Variants in RABGAP1L observed in about 807,000 individuals in gnomAD.
RABGAP1L encodes the protein RAB GTPase activating protein 1 like, also known as rab GTPase-activating protein 1-like.
RABGAP1L carries 63 observed loss-of-function variants against 137.7 expected under a neutral mutation model. That is an observed-to-expected ratio of 0.46 (90% CI 0.37 to 0.56). The LOEUF is 0.56. RABGAP1L is among the 20% of genes least tolerant of loss of function. The pLI, the probability that RABGAP1L is intolerant of heterozygous loss-of-function variation, is 0.00. For synonymous variants in RABGAP1L, 431 were observed against 433.7 expected, an observed-to-expected ratio of 0.99 and a Z score of 0.08; for missense variants, 1,095 against 1,244.0, an observed-to-expected ratio of 0.88 and a Z score of 1.80.
intron 13 of RABGAP1L, among the ~76,000 whole-genome samples, chr1:174,621,370 A>T (rs1392080680): frequency 6.6e-6 from 1 of 152,194 alleles, no homozygotes; most frequent in Admixed American, 6.5e-5. Context: ...GTTCATATGG[A>T]ACCAAAAATG....
At chr1:174,552,631 G>A (rs1666626639) in intron 13 of RABGAP1L, among the ~76,000 whole-genome samples, 1 of 152,100 alleles carries the variant, frequency 6.6e-6, no homozygotes, top group Non-Finnish European at 1.5e-5. Flanking sequence ...ATCACTGATG[G>A]GCATTTAGGT....
intron 18 of RABGAP1L, among the ~76,000 whole-genome samples, chr1:174,801,996 A>ATT (rs1349515522): frequency 2.6e-5 from 4 of 152,220 alleles, no homozygotes. Context: ...TCTCTTTGGC[A>ATT]TTTACATTTT....
chr1:174,352,051 G>A (rs1294614306), intron 11 of RABGAP1L, among the ~76,000 whole-genome samples: 1 of 151,896 alleles, frequency 6.6e-6, no homozygotes, highest in Non-Finnish European at 1.5e-5. Context: ...CTCATGATCC[G>A]CCTGCCTCGG....
chr1:174,817,613 T>C (rs1690575682), intron 19 of RABGAP1L, among the ~76,000 whole-genome samples: 1 of 152,136 alleles, frequency 6.6e-6, no homozygotes, highest in Admixed American at 6.5e-5. Context: ...GGTAAGCAAT[T>C]TGGATTTTAT....
At chr1:174,529,542 T>A (rs1179016205) in intron 13 of RABGAP1L, among the ~76,000 whole-genome samples, 1 of 151,996 alleles carries the variant, frequency 6.6e-6, no homozygotes, top group Non-Finnish European at 1.5e-5. Flanking sequence ...AGTGGTAGGT[T>A]TGGTGTGCCT....
chr1:174,451,349 T>C (rs535413650), intron 13 of RABGAP1L, among the ~76,000 whole-genome samples: 37 of 152,366 alleles, frequency 2.4e-4, no homozygotes, highest in Non-Finnish European at 4.0e-4. Flanking sequence ...GGATTCTGTG[T>C]ACAGAAAGCC....
intron 15 of RABGAP1L, among the ~76,000 whole-genome samples, chr1:174,684,523 T>A (rs962224569): frequency 6.6e-6 from 1 of 152,228 alleles, no homozygotes; most frequent in African/African-American, 2.4e-5. Flanking sequence ...CTTTGTAATG[T>A]GTCAAAAATG....
chr1:174,817,657 A>C (rs922186926), intron 19 of RABGAP1L, among the ~76,000 whole-genome samples: 3 of 152,292 alleles, frequency 2.0e-5, no homozygotes, highest in Admixed American at 2.0e-4. Flanking sequence ...AAGGATTTAA[A>C]ATAGGAGACA....
intron 13 of RABGAP1L, among the ~76,000 whole-genome samples, chr1:174,405,617 A>G (rs1017856456): frequency 2.6e-5 from 4 of 152,236 alleles, no homozygotes; most frequent in African/African-American, 4.8e-5. Context: ...AGGAGAATAA[A>G]GAGTACTCAT....
chr1:174,746,097 C>T (rs1683839374), intron 17 of RABGAP1L, among the ~76,000 whole-genome samples: 1 of 152,198 alleles, frequency 6.6e-6, no homozygotes, highest in African/African-American at 2.4e-5. Context: ...TCAGCTCTCT[C>T]TGAACCCACG....
chr1:174,635,525 C>G (rs893490256), intron 13 of RABGAP1L, among the ~76,000 whole-genome samples: 71 of 152,184 alleles, frequency 4.7e-4, no homozygotes, highest in Admixed American at 9.2e-4. Flanking sequence ...TTATACTTAC[C>G]TTATTCTATA....
intron 24 of RABGAP1L, among the ~76,000 whole-genome samples, chr1:174,986,519 G>C (rs1214440606): frequency 6.6e-6 from 1 of 152,222 alleles, no homozygotes; most frequent in Non-Finnish European, 1.5e-5. Context: ...TATTGGGTGA[G>C]AATCAGCAGT....
At chr1:174,944,729 T>C (rs912803776) in intron 19 of RABGAP1L, among the ~76,000 whole-genome samples, 1 of 152,050 alleles carries the variant, frequency 6.6e-6, no homozygotes, top group Non-Finnish European at 1.5e-5. Flanking sequence ...CTACTTACTG[T>C]CTTTATAGAT....
chr1:174,292,121 TTGAACTCCTGGGC>T (rs1000977773), intron 10 of RABGAP1L, among the ~76,000 whole-genome samples: 3 of 150,018 alleles, frequency 2.0e-5, no homozygotes, highest in Non-Finnish European at 4.4e-5. Flanking sequence ...CACTGTAGTG[TTGAACTCCTGGGC>T]TCAAGCGAGT....
At chr1:174,541,748 C>A (rs1406516277) in intron 13 of RABGAP1L, among the ~76,000 whole-genome samples, 1 of 152,034 alleles carries the variant, frequency 6.6e-6, no homozygotes, top group African/African-American at 2.4e-5. Context: ...TGCACTCCAG[C>A]CTGGGTGACA....
intron 19 of RABGAP1L, among the ~76,000 whole-genome samples, chr1:174,920,595 A>G (rs1195832578): frequency 6.6e-6 from 1 of 152,178 alleles, no homozygotes; most frequent in East Asian, 1.9e-4. Flanking sequence ...GTTGAATATG[A>G]CTATATTTGG....
intron 1 of RABGAP1L, among the ~76,000 whole-genome samples, chr1:174,166,674 C>A (rs1664934292): frequency 6.6e-6 from 1 of 152,212 alleles, no homozygotes; most frequent in Non-Finnish European, 1.5e-5. Context: ...GGTGGCAGTT[C>A]TCAAGCTTTT....
chr1:174,988,098 C>G (rs1671757912), intron 24 of RABGAP1L, among the ~76,000 whole-genome samples: 1 of 152,224 alleles, frequency 6.6e-6, no homozygotes, highest in African/African-American at 2.4e-5. Context: ...CGTGAGCCAC[C>G]AGGCCCGGCC....
intron 14 of RABGAP1L, among the ~76,000 whole-genome samples, chr1:174,665,449 G>T (rs151245009): frequency 1.8e-5 from 1 of 55,388 alleles, no homozygotes; most frequent in African/African-American, 8.0e-5. Flanking sequence ...GCCCCGCCCC[G>T]CCTCGCCTTG....
Sources: gnomAD v4.1 joint callset for allele counts (sites outside exome capture counted in the v4.1 genomes callset) on GRCh38, gnomAD v4.1.1 for gene constraint, MANE v1.5 for transcripts, NCBI Gene and HGNC (gene_info 2026-07-23, HGNC 2026-07-21) for gene names.